The following MSI2 variants were observed in gnomAD, a reference collection of about 807,000 sequenced individuals.
MSI2 encodes the protein musashi RNA binding protein 2.
A neutral mutation model predicts 45.6 loss-of-function variants in MSI2; 17 were observed. That is an observed-to-expected ratio of 0.37 (90% CI 0.26 to 0.56). MSI2 has a LOEUF of 0.56. Among genes scored for constraint, MSI2 ranks in the 20% least tolerant of loss-of-function variants. The pLI is 0.77. For missense variants in MSI2, 293 were observed against 444.2 expected (o/e 0.66, Z 3.06); for synonymous variants, 156 against 158.2 (o/e 0.99, Z 0.11).
At chr17:57,372,036 C>T (rs2083428979) in intron 5 of MSI2, among the ~76,000 whole-genome samples, 1 of 151,618 alleles carries the variant, frequency 6.6e-6, no homozygotes, top group Non-Finnish European at 1.5e-5. Context: ...TCTAACCTCA[C>T]CAAAAGTTTG....
chr17:57,394,473 G>T (rs1214842923), intron 5 of MSI2, among the ~76,000 whole-genome samples: 1 of 152,186 alleles, frequency 6.6e-6, no homozygotes, highest in East Asian at 1.9e-4. Flanking sequence ...AGAATTCTAG[G>T]CAGGGAAGCA....
rs149676555 is a variant in MSI2 at position 57,281,679 on chromosome 17, G to A, written c.312+19487G>A. 3.7e-3 allele frequency among the ~76,000 whole-genome samples: 571 copies of A among 152,272 alleles called. 1 individual carries two copies. The highest frequency in any genetic ancestry group is 0.012 in the African/African-American group (515 of 41,544). On this transcript the variant is annotated intron_variant, in intron 5 of 13. Transcript: ENST00000284073. Reference sequence around the variant, plus strand: ...GTTTTCCACGAGTGCAGCCATGCTCGGGAGAGGCGTACGAGCTGCTTTTAC... The same window carrying A: ...GTTTTCCACGAGTGCAGCCATGCTCAGGAGAGGCGTACGAGCTGCTTTTAC...
chr17:57,272,757 TC>T (rs1197079844), intron 5 of MSI2, among the ~76,000 whole-genome samples: 1 of 152,198 alleles, frequency 6.6e-6, no homozygotes, highest in African/African-American at 2.4e-5. Context: ...CGTATTTTCA[TC>T]CCATTCCTCG....
chr17:57,304,980 G>T (rs1352178635), intron 5 of MSI2, among the ~76,000 whole-genome samples: 1 of 152,128 alleles, frequency 6.6e-6, no homozygotes, highest in African/African-American at 2.4e-5. Context: ...TTTGTGGGAC[G>T]GGGGGATACA....
At chr17:57,658,775 T>A (rs1911781786) in intron 11 of MSI2, among the ~76,000 whole-genome samples, 1 of 152,160 alleles carries the variant, frequency 6.6e-6, no homozygotes, top group African/African-American at 2.4e-5. Flanking sequence ...CCTGAGCTGG[T>A]TGGTCGTTGC....
chr17:57,331,720 G>A lies in MSI2; in HGVS notation c.312+69528G>A, dbSNP rs189365831. ...GTGTTCACCAGCGTCAGTGTTCTGC[G>A]TTTCTAGGGTCTGTCTCAGAACAGT... On this transcript the variant is annotated intron_variant, in intron 5 of 13. Transcript: ENST00000284073. 1.1e-3 allele frequency among the ~76,000 whole-genome samples: 172 copies of A among 152,238 alleles called. 2 individuals carry two copies. Among genetic ancestry groups the A allele is most frequent in the African/African-American group, 3.9e-3 (162 of 41,560 alleles).
intron 6 of MSI2, among the ~76,000 whole-genome samples, chr17:57,495,677 G>A (rs6503814): frequency 0.32 from 47,850 of 151,736 alleles, 7,902 homozygotes; most frequent in African/African-American, 0.41. Context: ...AACCTTTGTG[G>A]CATTGATTCC....
chr17:57,307,338 A>G (rs992861908), intron 5 of MSI2, among the ~76,000 whole-genome samples: 3 of 152,208 alleles, frequency 2.0e-5, no homozygotes, highest in African/African-American at 7.2e-5. Context: ...ACAAAGGCCA[A>G]GGTTTTCCCA....
chr17:57,563,844 C>T (rs2087659575), intron 7 of MSI2, among the ~76,000 whole-genome samples: 1 of 151,922 alleles, frequency 6.6e-6, no homozygotes. Context: ...TTCCTTTCAT[C>T]CCTCACCTCC....
intron 6 of MSI2, among the ~76,000 whole-genome samples, chr17:57,451,960 G>A (rs1349399984): frequency 6.6e-6 from 1 of 152,180 alleles, no homozygotes; most frequent in Non-Finnish European, 1.5e-5. Context: ...AGGGCGTGAG[G>A]AAGTTGTGCA....
chr17:57,502,602 GATATATATATATATATATAT>G lies in MSI2; in HGVS notation c.406-27058_406-27039del, dbSNP rs57142800. ...CAGGGAATGGAGAAGATGACTCTGA[GATATATATATATATATATAT>G]ATATATATATATATAGTCATCATTC... is the stretch of plus-strand genomic sequence containing the variant. On this transcript the variant is annotated intron_variant, in intron 6 of 13. Coordinates refer to ENST00000284073, the MANE Select transcript of MSI2 (RefSeq NM_138962.4). Among the ~76,000 whole-genome samples the G allele has an allele frequency of 4.0e-4, 22 of 54,418 alleles. 1 individual carries two copies. The highest frequency in any genetic ancestry group is 1.8e-3 in the Admixed American group (7 of 3,980). 35.7% of individuals were successfully genotyped at this position (54,418 alleles called of 152,430 possible).
At chr17:57,580,829 A>G (rs1374984680) in intron 7 of MSI2, among the ~76,000 whole-genome samples, 1 of 152,046 alleles carries the variant, frequency 6.6e-6, no homozygotes, top group African/African-American at 2.4e-5. Flanking sequence ...AGCTCTTATC[A>G]CCGCAGTCAA....
chr17:57,288,144 T>C (rs1395012165), intron 5 of MSI2, among the ~76,000 whole-genome samples: 1 of 152,242 alleles, frequency 6.6e-6, no homozygotes, highest in Non-Finnish European at 1.5e-5. Flanking sequence ...ATAACCTCTC[T>C]GAGCCTGATG....
At chr17:57,397,776 C>T (rs796795776) in intron 5 of MSI2, among the ~76,000 whole-genome samples, 5 of 152,330 alleles carry the variant, frequency 3.3e-5, no homozygotes, top group African/African-American at 1.2e-4. Context: ...CATAGCTGTG[C>T]CCCCTTCTCC....
intron 5 of MSI2, among the ~76,000 whole-genome samples, chr17:57,394,359 A>G (rs939554584): frequency 6.6e-6 from 1 of 152,158 alleles, no homozygotes; most frequent in East Asian, 1.9e-4. Context: ...TCTGTGGAAG[A>G]GTGGCTGGGA....
At chr17:57,499,312 G>T (rs1003437060) in intron 6 of MSI2, among the ~76,000 whole-genome samples, 63 of 148,614 alleles carry the variant, frequency 4.2e-4, no homozygotes, top group African/African-American at 1.4e-3. Context: ...GGAGGTGGTG[G>T]TTGCAGTGAG....
chr17:57,657,136 G>A (rs989600188), intron 11 of MSI2, among the ~76,000 whole-genome samples: 6 of 152,346 alleles, frequency 3.9e-5, no homozygotes, highest in South Asian at 2.1e-4. Flanking sequence ...GAGAGAATGC[G>A]TAGAGATAGA....
chr17:57,691,460 A>G, the MSI2 span, among the ~76,000 whole-genome samples: 1 of 152,184 alleles, frequency 6.6e-6, no homozygotes, highest in East Asian at 1.9e-4. Flanking sequence ...TTTTAAGATA[A>G]TTGACATTTT....
At chr17:57,605,648 G>T (rs775635260) in intron 8 of MSI2, among the ~76,000 whole-genome samples, 22 of 152,224 alleles carry the variant, frequency 1.4e-4, no homozygotes, top group Non-Finnish European at 2.1e-4. Context: ...CAGCTGCAGA[G>T]ACCAAGCCCA....
Sources: allele counts gnomAD v4.1 joint callset (sites outside exome capture counted in the v4.1 genomes callset), GRCh38; gene constraint gnomAD v4.1.1; transcripts MANE v1.5; gene names NCBI Gene and HGNC (gene_info 2026-07-23, HGNC 2026-07-21).